Variants in MAGI2 observed in about 807,000 individuals in gnomAD.
MAGI2 encodes membrane-associated guanylate kinase, WW and PDZ domain-containing protein 2.
Under a neutral mutation model 133.3 loss-of-function variants are expected in MAGI2, and 35 were observed. The observed-to-expected ratio is 0.26, with a 90% CI of 0.20 to 0.35. The LOEUF (loss-of-function observed/expected upper bound fraction) is 0.35. Ranked by LOEUF, MAGI2 falls within the 10% of genes least tolerant of loss-of-function variation. The pLI is 1.00. For missense variants in MAGI2, 1,636 were observed against 1,863.4 expected, an observed-to-expected ratio of 0.88 and a Z score of 2.25; for synonymous variants, 729 against 710.6, an observed-to-expected ratio of 1.03 and a Z score of -0.41.
At chr7:79,221,214 C>G (rs1262431810) in intron 1 of MAGI2, among the ~76,000 whole-genome samples, 1 of 152,024 alleles carries the variant, frequency 6.6e-6, no homozygotes, top group African/African-American at 2.4e-5. Flanking sequence ...TATAAAGCAG[C>G]ACATTTAACT....
intron 1 of MAGI2, among the ~76,000 whole-genome samples, chr7:79,106,868 C>T (rs569106085): frequency 1.3e-5 from 2 of 152,330 alleles, no homozygotes; most frequent in South Asian, 4.1e-4. Context: ...TAGACTTCCA[C>T]TTAAGAAGAG....
chr7:79,118,263 T>C (rs1296164236), intron 1 of MAGI2, among the ~76,000 whole-genome samples: 3 of 152,192 alleles, frequency 2.0e-5, no homozygotes, highest in African/African-American at 7.2e-5. Context: ...ACTATTTGGG[T>C]GTACACTTTA....
chr7:78,197,554 C>T (rs987313281), intron 11 of MAGI2, among the ~76,000 whole-genome samples: 2 of 152,166 alleles, frequency 1.3e-5, no homozygotes, highest in African/African-American at 4.8e-5. Flanking sequence ...AACTACAGAA[C>T]AAGTAATGCT....
intron 1 of MAGI2, among the ~76,000 whole-genome samples, chr7:79,215,460 T>C (rs1462899997): frequency 1.3e-5 from 2 of 152,060 alleles, no homozygotes; most frequent in East Asian, 1.9e-4. Context: ...CTATTCTCTC[T>C]GAAACCTTCT....
chr7:79,348,049 T>C (rs528156847), intron 1 of MAGI2, among the ~76,000 whole-genome samples: 7 of 151,966 alleles, frequency 4.6e-5, no homozygotes, highest in African/African-American at 1.7e-4. Flanking sequence ...AAAATGTAAG[T>C]CAAGTATATT....
At chr7:78,031,693 G>A (rs1391366469) in intron 21 of MAGI2, among the ~76,000 whole-genome samples, 1 of 152,172 alleles carries the variant, frequency 6.6e-6, no homozygotes, top group Non-Finnish European at 1.5e-5. Flanking sequence ...AAGTGGCAGA[G>A]AGCTGAGAAA....
At chr7:78,713,073 C>T (rs1252181676) in intron 2 of MAGI2, among the ~76,000 whole-genome samples, 1 of 151,914 alleles carries the variant, frequency 6.6e-6, no homozygotes, top group Non-Finnish European at 1.5e-5. Flanking sequence ...ATTTTTTCCC[C>T]AAAAAATATG....
chr7:79,246,313 A>G (rs1832815940), intron 1 of MAGI2, among the ~76,000 whole-genome samples: 1 of 152,216 alleles, frequency 6.6e-6, no homozygotes, highest in Admixed American at 6.5e-5. Flanking sequence ...ATAAGGCACC[A>G]ATGACCAATC....
intron 3 of MAGI2, among the ~76,000 whole-genome samples, chr7:78,529,506 C>T (rs1057065158): frequency 6.6e-6 from 1 of 151,990 alleles, no homozygotes; most frequent in Non-Finnish European, 1.5e-5. Context: ...GTAACTATAA[C>T]ATAAACTTTA....
At chr7:79,395,441 A>G (rs1844976285) in intron 1 of MAGI2, among the ~76,000 whole-genome samples, 1 of 152,204 alleles carries the variant, frequency 6.6e-6, no homozygotes, top group Non-Finnish European at 1.5e-5. Context: ...GGAAAGTATC[A>G]TCATCCCGTA....
intron 2 of MAGI2, among the ~76,000 whole-genome samples, chr7:78,710,680 C>T (rs1414685179): frequency 6.6e-6 from 1 of 152,060 alleles, no homozygotes; most frequent in Non-Finnish European, 1.5e-5. Context: ...CAGTATATTG[C>T]TACTGATGGA....
chr7:78,786,956 C>CTTT (rs1391542447), intron 2 of MAGI2, among the ~76,000 whole-genome samples: 1 of 148,538 alleles, frequency 6.7e-6, no homozygotes, highest in African/African-American at 2.5e-5. Flanking sequence ...TCTTTCTTTC[C>CTTT]TTTTTTTGTT....
At chr7:78,177,357 C>G (rs752578476) in intron 14 of MAGI2, among the ~76,000 whole-genome samples, 6 of 151,748 alleles carry the variant, frequency 4.0e-5, no homozygotes, top group Non-Finnish European at 8.8e-5. Flanking sequence ...ATAAATCTAG[C>G]CTTGCTGTGT....
At chr7:78,155,421 C>A (rs1196722110) in intron 16 of MAGI2, among the ~76,000 whole-genome samples, 1 of 152,062 alleles carries the variant, frequency 6.6e-6, no homozygotes, top group African/African-American at 2.4e-5. Context: ...TGAGACTAGC[C>A]CAGGCAACAT....
At chr7:78,717,161 G>A (rs1161394599) in intron 2 of MAGI2, among the ~76,000 whole-genome samples, 4 of 152,052 alleles carry the variant, frequency 2.6e-5, no homozygotes, top group African/African-American at 9.7e-5. Flanking sequence ...TGCGCTCGCT[G>A]GTGCTCCCCC....
intron 14 of MAGI2, 41 bp from the exon 15 acceptor site, chr7:78,168,149 T>A: frequency 1.3e-6 from 2 of 1,484,188 alleles, no homozygotes; most frequent in Non-Finnish European, 9.2e-7. Flanking sequence ...CACATTTCAA[T>A]CCTTTTTCCT....
At chr7:78,757,103 T>A (rs73135526) in intron 2 of MAGI2, among the ~76,000 whole-genome samples, 7,064 of 152,202 alleles carry the variant, frequency 0.046, 220 homozygotes, top group Non-Finnish European at 0.067. Context: ...AGAAGAGAAC[T>A]TTTAGAAGTT....
At chr7:79,237,860 A>G (rs1027203472) in intron 1 of MAGI2, among the ~76,000 whole-genome samples, 1 of 152,176 alleles carries the variant, frequency 6.6e-6, no homozygotes, top group Non-Finnish European at 1.5e-5. Context: ...ATGTCTTTGT[A>G]CATATGCCTT....
chr7:79,147,945 T>C lies in MAGI2; in HGVS notation c.302-140739A>G, dbSNP rs576439008. ...CTTTAAGGTATCGTATCCACTGACA[T>C]AAATTATGAAACATTGGCTTGCTTG... On this transcript the variant is annotated intron_variant, in intron 1 of 21. Transcript: ENST00000354212. Among the ~76,000 whole-genome samples, 8 of 152,238 alleles carry C rather than the reference T, an allele frequency of 5.3e-5. 1 individual carries two copies. The South Asian group carries it at 1.7e-3, about 32-fold the overall frequency.
Sources: gnomAD v4.1 joint callset for allele counts (sites outside exome capture counted in the v4.1 genomes callset) on GRCh38, gnomAD v4.1.1 for gene constraint, MANE v1.5 for transcripts, NCBI Gene and HGNC (gene_info 2026-07-23, HGNC 2026-07-21) for gene names.